The following RBFOX1 variants were observed in gnomAD, a reference collection of about 807,000 sequenced individuals.
RBFOX1 encodes the protein RNA binding fox-1 homolog 1, also known as RNA binding protein fox-1 homolog 1.
Under a neutral mutation model 57.7 loss-of-function variants are expected in RBFOX1, and 8 were observed. That is an observed-to-expected ratio of 0.14 (90% CI 0.08 to 0.25). The LOEUF (loss-of-function observed/expected upper bound fraction) is 0.25, where lower values mean the gene tolerates loss of function less well. Among genes scored for constraint, RBFOX1 ranks in the 10% least tolerant of loss-of-function variants. RBFOX1 has a pLI of 1.00. For missense variants in RBFOX1, 611 were observed against 548.5 expected, an observed-to-expected ratio of 1.11 and a Z score of -1.14; for synonymous variants, 326 against 222.4, an observed-to-expected ratio of 1.47 and a Z score of -4.15.
intron 3 of RBFOX1, among the ~76,000 whole-genome samples, chr16:5,812,708 C>T (rs759419975): frequency 6.6e-6 from 1 of 152,176 alleles, no homozygotes; most frequent in East Asian, 1.9e-4. Context: ...GCAGTCCTTT[C>T]ACCTCTGCCT....
intron 3 of RBFOX1, among the ~76,000 whole-genome samples, chr16:6,888,413 A>C (rs1170469898): frequency 6.6e-5 from 10 of 152,122 alleles, no homozygotes; most frequent in Non-Finnish European, 1.0e-4. Flanking sequence ...TACTGATGTC[A>C]ACACTTAGAA....
chr16:5,508,528 A>G (rs1044695878), intron 2 of RBFOX1, among the ~76,000 whole-genome samples: 1 of 152,298 alleles, frequency 6.6e-6, no homozygotes, highest in African/African-American at 2.4e-5. Flanking sequence ...CGGGTGGGAG[A>G]TTGCACAGAG....
chr16:6,503,683 G>A (rs1021436580), intron 2 of RBFOX1, among the ~76,000 whole-genome samples: 3 of 152,138 alleles, frequency 2.0e-5, no homozygotes, highest in Non-Finnish European at 4.4e-5. Flanking sequence ...CTCTAACTGA[G>A]GAGCATCTTT....
At chr16:6,611,658 G>C (rs2098056969) in intron 2 of RBFOX1, among the ~76,000 whole-genome samples, 1 of 152,192 alleles carries the variant, frequency 6.6e-6, no homozygotes, top group Non-Finnish European at 1.5e-5. Flanking sequence ...CTTTCTTTGT[G>C]CTTTATCAGA....
At chr16:7,331,969 A>T (rs892564162) in intron 4 of RBFOX1, among the ~76,000 whole-genome samples, 3 of 152,202 alleles carry the variant, frequency 2.0e-5, no homozygotes, top group Non-Finnish European at 2.9e-5. Context: ...GGTGCTTGTT[A>T]GCTATGCCTT....
intron 2 of RBFOX1, among the ~76,000 whole-genome samples, chr16:6,392,749 TTCCC>T: frequency 6.6e-6 from 1 of 152,360 alleles, no homozygotes; most frequent in East Asian, 1.9e-4. Context: ...GTATGCTAAA[TTCCC>T]TCCTTCCTTT....
At chr16:7,164,560 G>A (rs2079040205) in intron 4 of RBFOX1, among the ~76,000 whole-genome samples, 1 of 152,164 alleles carries the variant, frequency 6.6e-6, no homozygotes, top group African/African-American at 2.4e-5. Context: ...TATATACTAT[G>A]TGTGAAAAGC....
intron 3 of RBFOX1, among the ~76,000 whole-genome samples, chr16:6,753,315 T>C (rs2075264469): frequency 6.6e-6 from 1 of 152,238 alleles, no homozygotes; most frequent in Non-Finnish European, 1.5e-5. Flanking sequence ...TCAGCTTTGC[T>C]GTTTTGAGAT....
intron 4 of RBFOX1, among the ~76,000 whole-genome samples, chr16:5,871,358 C>G (rs1255468750): frequency 6.6e-6 from 1 of 152,176 alleles, no homozygotes; most frequent in Non-Finnish European, 1.5e-5. Context: ...AGATAAATGG[C>G]CCAATTTCCA....
chr16:6,302,314 T>C (rs187013254), intron 1 of RBFOX1, among the ~76,000 whole-genome samples: 12 of 152,220 alleles, frequency 7.9e-5, no homozygotes, highest in Non-Finnish European at 1.6e-4. Flanking sequence ...TATTCATCTT[T>C]CTGCCTCGCT....
rs748167936 is a variant in RBFOX1, at chr16:7,518,289, C to T, written c.170C>T (p.Thr57Met). ...GCGCCAGAGTACACAGGCCAGACCA[C>T]GGTTCCCGAGCACACATTAAACCTG... ...HPAPEYTGQT[T>M]VPEHTLNLYP... The change falls in exon 5 of 16, where the codon ACG becomes ATG. Residue 57 changes from threonine to methionine, a missense_variant. Thr to Met is a moderately conservative substitution (Grantham distance 81). Around this residue, in one of 3 missense-constraint regions of RBFOX1, gnomAD observed 245 missense variants for 159.1 expected, o/e 1.54. Transcript: ENST00000550418. 11 of 1,614,030 alleles carry T rather than the reference C, an allele frequency of 6.8e-6. No homozygotes were observed. The highest frequency in any genetic ancestry group is 3.3e-5 in the South Asian group (3 of 91,086).
intron 2 of RBFOX1, among the ~76,000 whole-genome samples, chr16:6,596,072 A>G (rs1007297885): frequency 1.6e-4 from 25 of 152,008 alleles, no homozygotes; most frequent in African/African-American, 5.8e-4. Flanking sequence ...CATTCTGTGG[A>G]TTTCCTTTTT....
At chr16:5,545,754 G>A (rs188705445) in intron 2 of RBFOX1, among the ~76,000 whole-genome samples, 2 of 152,254 alleles carry the variant, frequency 1.3e-5, no homozygotes, top group African/African-American at 4.8e-5. Flanking sequence ...GTGAAAGACT[G>A]AATGCTTTCT....
At chr16:6,794,949 A>C (rs550765291) in intron 3 of RBFOX1, among the ~76,000 whole-genome samples, 1 of 152,254 alleles carries the variant, frequency 6.6e-6, no homozygotes, top group South Asian at 2.1e-4. Flanking sequence ...ATATTGAGTA[A>C]TTTTCCCTAA....
chr16:5,574,496 A>G (rs1371159332), intron 2 of RBFOX1, among the ~76,000 whole-genome samples: 1 of 151,062 alleles, frequency 6.6e-6, no homozygotes, highest in Non-Finnish European at 1.5e-5. Context: ...GCTCACTGCA[A>G]CCTCCACCTC....
chr16:5,465,741 A>G (rs1277840899), intron 1 of RBFOX1, among the ~76,000 whole-genome samples: 2 of 152,210 alleles, frequency 1.3e-5, no homozygotes, highest in Non-Finnish European at 2.9e-5. Flanking sequence ...ATGTTTTTCC[A>G]TGGACCAGGC....
chr16:7,238,818 G>C (rs932621773), intron 4 of RBFOX1, among the ~76,000 whole-genome samples: 5 of 152,148 alleles, frequency 3.3e-5, no homozygotes, highest in Non-Finnish European at 5.9e-5. Context: ...AGAGACCCCA[G>C]TGTGTGTTGT....
At chr16:6,699,411 C>T (rs1469965737) in intron 3 of RBFOX1, among the ~76,000 whole-genome samples, 1 of 151,704 alleles carries the variant, frequency 6.6e-6, no homozygotes, top group Non-Finnish European at 1.5e-5. Context: ...TTTCAGAGTC[C>T]AGACCATGCT....
At chr16:7,030,974 G>T (rs1249960819) in intron 3 of RBFOX1, among the ~76,000 whole-genome samples, 1 of 152,224 alleles carries the variant, frequency 6.6e-6, no homozygotes, top group Non-Finnish European at 1.5e-5. Flanking sequence ...AGGACATGGG[G>T]TGTGTGGAGC....
Sources: gnomAD v4.1 joint callset for allele counts (sites outside exome capture counted in the v4.1 genomes callset) on GRCh38, gnomAD v4.1.1 for gene constraint, gnomAD v4.1.1 regional missense constraint, MANE v1.5 for transcripts, NCBI Gene and HGNC (gene_info 2026-07-23, HGNC 2026-07-21) for gene names.